Variants in SPTBN1 observed in about 807,000 individuals in gnomAD.
SPTBN1 encodes spectrin beta, non-erythrocytic 1, also known as spectrin beta chain, non-erythrocytic 1.
A neutral mutation model predicts 266.4 loss-of-function variants in SPTBN1; 32 were observed. The ratio of observed to expected loss-of-function variants is 0.12; its 90% confidence interval spans 0.09 to 0.16. The LOEUF (loss-of-function observed/expected upper bound fraction) is 0.16. Ranked by LOEUF, SPTBN1 falls within the 10% of genes least tolerant of loss-of-function variation. SPTBN1 has a pLI of 1.00. For synonymous variants in SPTBN1, 1,336 were observed against 1,162.2 expected, an observed-to-expected ratio of 1.15 and a Z score of -3.04; for missense variants, 2,296 against 3,067.1, an observed-to-expected ratio of 0.75 and a Z score of 5.94.
At chr2:54,592,470 T>G (rs1039573937) in intron 2 of SPTBN1, among the ~76,000 whole-genome samples, 6 of 152,072 alleles carry the variant, frequency 3.9e-5, no homozygotes, top group African/African-American at 1.4e-4. Context: ...CCGCAACCTC[T>G]GCCTCCCGGG....
chr2:54,628,914 CT>C lies in SPTBN1; in HGVS notation c.1799-17del. The stretch of plus-strand genomic sequence containing the variant: ...TGAGCTCCCTCACACAGCCACGTTC[CT>C]TCCTTGATGTTAAACAGGTTACAAG... On this transcript the variant is annotated intron_variant, in intron 13 of 35. Coordinates refer to ENST00000356805, the MANE Select transcript of SPTBN1 (RefSeq NM_003128.3). The surrounding 1 kb of genome is among the most constrained non-coding windows in gnomAD (Gnocchi z 4.3). The C allele has an allele frequency of 6.4e-7, 1 of 1,562,554 alleles. No individual in the cohort carries two copies.
intron 2 of SPTBN1, among the ~76,000 whole-genome samples, chr2:54,579,128 C>G (rs1363204198): frequency 6.6e-6 from 1 of 152,046 alleles, no homozygotes; most frequent in Non-Finnish European, 1.5e-5. Context: ...ATTATATATT[C>G]CCATTTTGTT....
At position 54,645,300 on chromosome 2, in the gene SPTBN1, T is replaced by G; in HGVS notation, c.4341T>G (p.Ser1447Arg). The stretch of plus-strand genomic sequence containing the variant: ...TCCAAAGCCAAGCCCAGGCCCTGAG[T>G]CAGGAAGGGAAGAGCACCGACGAGG... ...EELQSQAQAL[S>R]QEGKSTDEVD... Residue 1447 changes from serine (S) to arginine (R), a missense_variant, in exon 21 of 36, where the codon AGT (serine) becomes AGG (arginine). By Grantham distance (110) the Ser-to-Arg change is moderately radical. This residue lies in a region of SPTBN1 where 386 missense variants were observed against 486.1 expected (regional missense o/e 0.79). Coordinates refer to ENST00000356805, the MANE Select transcript of SPTBN1 (RefSeq NM_003128.3). The surrounding 1 kb of genome is among the most constrained non-coding windows in gnomAD (Gnocchi z 4.3). 6.2e-7 allele frequency: 1 copy of G among 1,613,914 alleles called. No individual in the cohort carries two copies. Among genetic ancestry groups the G allele is most frequent in the Non-Finnish European group, 8.5e-7 (1 of 1,179,974 alleles).
intron 2 of SPTBN1, among the ~76,000 whole-genome samples, chr2:54,568,723 C>T (rs1331719516): frequency 6.6e-6 from 1 of 152,134 alleles, no homozygotes; most frequent in Non-Finnish European, 1.5e-5. Context: ...AATGGAGAAT[C>T]ACAAAAATAC....
At chr2:54,654,134 C>T (rs982375592) in intron 27 of SPTBN1, among the ~76,000 whole-genome samples, 3 of 152,280 alleles carry the variant, frequency 2.0e-5, no homozygotes, top group African/African-American at 7.2e-5. Flanking sequence ...CCCTCTTGCC[C>T]ACATATGTGC....
intron 32 of SPTBN1, chr2:54,661,982 G>A: frequency 1.0e-6 from 1 of 985,448 alleles, no homozygotes; most frequent in Non-Finnish European, 1.2e-6. Context: ...TGTTTTGAGT[G>A]ATGACGCAGA....
At chr2:54,659,702 C>G (rs969677651) in intron 31 of SPTBN1, among the ~76,000 whole-genome samples, 1 of 152,144 alleles carries the variant, frequency 6.6e-6, no homozygotes, top group Non-Finnish European at 1.5e-5. Context: ...TCCATGGCAA[C>G]CTCTAATGCT....
At chr2:54,491,162 A>G in intron 1 of SPTBN1, among the ~76,000 whole-genome samples, 1 of 152,166 alleles carries the variant, frequency 6.6e-6, no homozygotes, top group East Asian at 1.9e-4. Context: ...TCAAGGTTAG[A>G]CTTTGTAAAT....
chr2:54,524,071 C>T (rs1383787549), intron 1 of SPTBN1, among the ~76,000 whole-genome samples: 4 of 151,994 alleles, frequency 2.6e-5, no homozygotes, highest in Non-Finnish European at 4.4e-5. Context: ...TGGTGGCTCG[C>T]GCCTGTAGTC....
chr2:54,460,861 C>T (rs140191653), intron 1 of SPTBN1, among the ~76,000 whole-genome samples: 97 of 152,194 alleles, frequency 6.4e-4, no homozygotes, highest in African/African-American at 2.1e-3. Flanking sequence ...ATTATCTGGG[C>T]ATGGTGGCAG....
chr2:54,660,923 C>T, intron 32 of SPTBN1: 1 of 985,444 alleles, frequency 1.0e-6, no homozygotes, highest in South Asian at 4.7e-5. Context: ...CCTCTCCATT[C>T]AGCCGATGAC....
rs933743515 is a variant in SPTBN1 at position 54,533,008 on chromosome 2, A to T, written c.148+6442A>T. ...GAACTTTTACTTTTTCACTTAAAGGAAGCATTTGACAGTCGCTTCTTTTTA... is the reference window on the plus strand; with the variant it reads ...GAACTTTTACTTTTTCACTTAAAGGTAGCATTTGACAGTCGCTTCTTTTTA... On this transcript the variant is annotated intron_variant, in intron 2 of 35. Coordinates refer to ENST00000356805, the MANE Select transcript of SPTBN1 (RefSeq NM_003128.3). This position sits in a 1 kb window ranked among gnomAD's most constrained non-coding sequence, Gnocchi z 4.2. Among the ~76,000 whole-genome samples, 1 of 151,952 alleles carries T rather than the reference A, an allele frequency of 6.6e-6. No homozygotes were observed. Among genetic ancestry groups the T allele is most frequent in the South Asian group, 2.1e-4 (1 of 4,820 alleles).
intron 1 of SPTBN1, among the ~76,000 whole-genome samples, chr2:54,498,702 C>T (rs1158315400): frequency 6.6e-6 from 1 of 152,118 alleles, no homozygotes; most frequent in Non-Finnish European, 1.5e-5. Flanking sequence ...AAGAAGCTCC[C>T]ATGCATCCAT....
At chr2:54,537,750 C>T (rs904238750) in intron 2 of SPTBN1, among the ~76,000 whole-genome samples, 23 of 152,194 alleles carry the variant, frequency 1.5e-4, no homozygotes, top group African/African-American at 5.3e-4. Context: ...GTCTCTGCCC[C>T]TTGTAGGTAG....
At chr2:54,612,588 A>T (rs996022590) in intron 4 of SPTBN1, among the ~76,000 whole-genome samples, 8 of 152,150 alleles carry the variant, frequency 5.3e-5, no homozygotes, top group African/African-American at 7.2e-5. Context: ...TCAGCGGCCC[A>T]GGGGCTTCTA....
At chr2:54,642,259 G>C (rs1336515110) in intron 18 of SPTBN1, among the ~76,000 whole-genome samples, 1 of 152,226 alleles carries the variant, frequency 6.6e-6, no homozygotes, top group Non-Finnish European at 1.5e-5. Context: ...AGGTCTGTCA[G>C]CGGCCAGCAG....
intron 1 of SPTBN1, among the ~76,000 whole-genome samples, chr2:54,490,786 G>C (rs1378325593): frequency 6.6e-6 from 1 of 152,164 alleles, no homozygotes; most frequent in Admixed American, 6.5e-5. Context: ...ATTAGTGTTA[G>C]TTGGAAAGAT....
intron 27 of SPTBN1, 114 bp from the exon 28 acceptor site, chr2:54,654,956 C>A: frequency 1.6e-6 from 1 of 610,938 alleles, no homozygotes; most frequent in South Asian, 3.3e-5. Flanking sequence ...CCTGAAAGAC[C>A]ATCAGTTTCT....
chr2:54,577,612 T>C (rs991061565), intron 2 of SPTBN1, among the ~76,000 whole-genome samples: 7 of 152,348 alleles, frequency 4.6e-5, no homozygotes, highest in Admixed American at 4.6e-4. Context: ...CTTTGCAGTA[T>C]TGATTCATAT....
Sources: gnomAD v4.1 joint callset for allele counts (sites outside exome capture counted in the v4.1 genomes callset) on GRCh38, gnomAD v4.1.1 for gene constraint, gnomAD v4.1.1 regional missense constraint, Gnocchi (gnomAD v3.1) non-coding constraint, MANE v1.5 for transcripts, NCBI Gene and HGNC (gene_info 2026-07-23, HGNC 2026-07-21) for gene names.